Variants in ARHGAP6 observed in about 807,000 individuals in gnomAD.
The protein encoded by ARHGAP6 is rho GTPase-activating protein 6.
ARHGAP6 carries 16 observed loss-of-function variants against 55.7 expected under a neutral mutation model. The ratio of observed to expected loss-of-function variants is 0.29; its 90% CI spans 0.19 to 0.44. ARHGAP6 has a LOEUF of 0.44. Among genes scored for constraint, ARHGAP6 ranks in the 20% least tolerant of loss-of-function variants. The pLI, the probability that ARHGAP6 is intolerant of heterozygous loss-of-function variation, is 1.00. For synonymous variants in ARHGAP6, 382 were observed against 360.9 expected, an observed-to-expected ratio of 1.06 and a Z score of -0.66; for missense variants, 698 against 808.9, an observed-to-expected ratio of 0.86 and a Z score of 1.66.
At chrX:11,517,223 C>A (rs1183381311) in intron 1 of ARHGAP6, among the ~76,000 whole-genome samples, 1 of 111,613 alleles carries the variant, frequency 9.0e-6, no homozygotes, top group African/African-American at 3.3e-5. Flanking sequence ...AGGCTCAAGA[C>A]AACAAACAGA....
chrX:11,169,489 C>A lies in ARHGAP6; in HGVS notation c.1809+16G>T. On this transcript the variant is annotated intron_variant, in intron 9 of 12. Transcript: ENST00000337414. ...GGCAGTTTGCTGTGATGTCCTGCCA[C>A]AGAAGGGCCACCTACCATGAACAGG... is the stretch of plus-strand genomic sequence containing the variant. The A allele has an allele frequency of 8.5e-7, 1 of 1,170,540 alleles. No homozygotes were observed. The highest frequency in any genetic ancestry group is 1.1e-6 in the Non-Finnish European group (1 of 874,272).
chrX:11,359,421 G>A (rs2048979520), intron 1 of ARHGAP6, among the ~76,000 whole-genome samples: 1 of 112,101 alleles, frequency 8.9e-6, no homozygotes, highest in South Asian at 3.7e-4. Context: ...TCTGTAAGTG[G>A]CACTTAAAGG....
rs1417662902 is a variant in ARHGAP6, at chrX:11,316,870, T to C, written c.589-62163A>G. Among the ~76,000 whole-genome samples, 4 of 112,854 alleles carry C rather than the reference T, an allele frequency of 3.5e-5. No homozygotes were observed. In the East Asian group the frequency reaches 8.3e-4, roughly 23 times the overall value. ...ACACAGTGTCCTCCAGATTCATCCA[T>C]GTTGTTGCAAATAACAGGAATTTCT... On this transcript the variant is annotated intron_variant, in intron 1 of 12. Coordinates refer to ENST00000337414, the MANE Select transcript of ARHGAP6 (RefSeq NM_013427.3).
At chrX:11,495,822 A>T (rs2050616859) in intron 1 of ARHGAP6, among the ~76,000 whole-genome samples, 1 of 112,670 alleles carries the variant, frequency 8.9e-6, no homozygotes, top group African/African-American at 3.2e-5. Context: ...CATTGCCAGA[A>T]TTGTAACTTT....
At chrX:11,281,101 C>T (rs771142141) in intron 1 of ARHGAP6, among the ~76,000 whole-genome samples, 13 of 111,899 alleles carry the variant, frequency 1.2e-4, no homozygotes, top group Non-Finnish European at 2.3e-4. Flanking sequence ...AAACAAACTC[C>T]AACCACCTAC....
rs537310987 is a variant in ARHGAP6 at position 11,472,248 on chromosome X, C to T, written c.588+191993G>A. Among the ~76,000 whole-genome samples, 9 of 111,384 alleles carry T rather than the reference C, an allele frequency of 8.1e-5. No individual in the cohort carries two copies. The South Asian group carries it at 1.5e-3, about 19-fold the overall frequency. On this transcript the variant is annotated intron_variant, in intron 1 of 12. Coordinates refer to ENST00000337414, the MANE Select transcript of ARHGAP6 (RefSeq NM_013427.3). ...GCACCCTCCACCCCAGTTGTAAGAACAAAAAAATCTCCAGATCGCCAAATT... is the reference window on the plus strand; with the variant it reads ...GCACCCTCCACCCCAGTTGTAAGAATAAAAAAATCTCCAGATCGCCAAATT...
intron 1 of ARHGAP6, among the ~76,000 whole-genome samples, chrX:11,621,263 A>G (rs1199280597): frequency 1.8e-5 from 2 of 112,279 alleles, no homozygotes; most frequent in Non-Finnish European, 1.9e-5. Flanking sequence ...AAGAAATATA[A>G]CACTGAAGAA....
At chrX:11,638,437 G>A (rs1379971412) in intron 1 of ARHGAP6, among the ~76,000 whole-genome samples, 1 of 111,887 alleles carries the variant, frequency 8.9e-6, no homozygotes, top group East Asian at 2.8e-4. Context: ...ATTTAGATGA[G>A]TTGTCCACAA....
intron 9 of ARHGAP6, among the ~76,000 whole-genome samples, chrX:11,166,447 A>T (rs1193852174): frequency 8.9e-6 from 1 of 111,930 alleles, no homozygotes; most frequent in African/African-American, 3.2e-5. Context: ...ACTTTTAACC[A>T]TCAGGCCCTG....
At chrX:11,261,149 A>G (rs1227158068) in intron 1 of ARHGAP6, among the ~76,000 whole-genome samples, 2 of 112,194 alleles carry the variant, frequency 1.8e-5, no homozygotes, top group Non-Finnish European at 3.8e-5. Context: ...CTGGATTCGA[A>G]TAAACCATTA....
rs187060085 is a variant in ARHGAP6, at chrX:11,608,695, C to T, written c.588+55546G>A. Among the ~76,000 whole-genome samples the T allele has an allele frequency of 1.4e-4, 16 of 111,340 alleles. No homozygotes were observed. In the East Asian group the frequency reaches 2.8e-3, roughly 20 times the overall value. ...TGGGAGATAATTTGAATCATGGGGG[C>T]GGTTTCCCCCATACTGTTCTCATGG... On this transcript the variant is annotated intron_variant, in intron 1 of 12. Coordinates refer to ENST00000337414, the MANE Select transcript of ARHGAP6 (RefSeq NM_013427.3).
At chrX:11,358,992 A>G (rs906208038) in intron 1 of ARHGAP6, among the ~76,000 whole-genome samples, 3 of 112,452 alleles carry the variant, frequency 2.7e-5, no homozygotes, top group South Asian at 3.7e-4. Context: ...CTAAGCACTT[A>G]TCTCCTTAAA....
intron 2 of ARHGAP6, among the ~76,000 whole-genome samples, chrX:11,202,604 T>G (rs1415860901): frequency 9.1e-6 from 1 of 109,375 alleles, no homozygotes; most frequent in African/African-American, 3.3e-5. Flanking sequence ...GGTCAGGAGT[T>G]CGAGACTAGC....
chrX:11,653,086 GA>G (rs1367795224), intron 1 of ARHGAP6, among the ~76,000 whole-genome samples: 3 of 111,899 alleles, frequency 2.7e-5, no homozygotes, highest in Non-Finnish European at 5.6e-5. Context: ...GTAGTATGTG[GA>G]AATAAAAACA....
At chrX:11,345,627 G>A (rs1325705532) in intron 1 of ARHGAP6, among the ~76,000 whole-genome samples, 1 of 111,867 alleles carries the variant, frequency 8.9e-6, no homozygotes, top group Non-Finnish European at 1.9e-5. Flanking sequence ...ACCCCATGGG[G>A]ATGGGGAGGC....
At chrX:11,505,853 A>G (rs1381787192) in intron 1 of ARHGAP6, among the ~76,000 whole-genome samples, 1 of 111,048 alleles carries the variant, frequency 9.0e-6, no homozygotes, top group Non-Finnish European at 1.9e-5. Flanking sequence ...AATGATGAGA[A>G]CTCATGGAGA....
At chrX:11,359,884 G>A (rs1366559397) in intron 1 of ARHGAP6, among the ~76,000 whole-genome samples, 4 of 111,791 alleles carry the variant, frequency 3.6e-5, no homozygotes, top group Admixed American at 9.5e-5. Context: ...ACACATCTAC[G>A]CAAATAAACT....
intron 1 of ARHGAP6, among the ~76,000 whole-genome samples, chrX:11,622,960 C>T (rs183157143): frequency 7.2e-5 from 8 of 111,396 alleles, no homozygotes; most frequent in African/African-American, 9.8e-5. Flanking sequence ...TTCTATGTTA[C>T]CTTTACCATT....
intron 1 of ARHGAP6, among the ~76,000 whole-genome samples, chrX:11,622,550 C>A (rs1262194260): frequency 1.8e-5 from 2 of 111,114 alleles, no homozygotes; most frequent in Non-Finnish European, 3.8e-5. Flanking sequence ...GGTCTAGAAC[C>A]ATAAAAAATG....
Sources: gnomAD v4.1 joint callset for allele counts (sites outside exome capture counted in the v4.1 genomes callset) on GRCh38, gnomAD v4.1.1 for gene constraint, MANE v1.5 for transcripts, NCBI Gene and HGNC (gene_info 2026-07-23, HGNC 2026-07-21) for gene names.